Variants in MTUS1 observed in about 807,000 individuals in gnomAD.
The protein encoded by MTUS1 is microtubule associated scaffold protein 1, also known as microtubule-associated tumor suppressor 1.
In MTUS1, 109 loss-of-function variants were observed where a neutral mutation model predicts 120.8. The ratio of observed to expected loss-of-function variants is 0.90; its 90% CI spans 0.77 to 1.06. The LOEUF (loss-of-function observed/expected upper bound fraction) is 1.06, where lower values mean the gene tolerates loss of function less well. Among genes scored for constraint, MTUS1 ranks in the 50% least tolerant of loss-of-function variants. The pLI is 0.00. For missense variants in MTUS1, 2,210 were observed against 1,486.3 expected, an observed-to-expected ratio of 1.49 and a Z score of -8.01; for synonymous variants, 737 against 550.5, an observed-to-expected ratio of 1.34 and a Z score of -4.74.
chr8:17,670,098 A>G (rs1777337659), intron 8 of MTUS1, among the ~76,000 whole-genome samples: 1 of 152,212 alleles, frequency 6.6e-6, no homozygotes, highest in African/African-American at 2.4e-5. Context: ...GAACAGGAGT[A>G]TGATTTCAGT....
intron 3 of MTUS1, among the ~76,000 whole-genome samples, chr8:17,726,229 C>T (rs1000657637): frequency 6.6e-6 from 1 of 152,168 alleles, no homozygotes; most frequent in East Asian, 1.9e-4. Flanking sequence ...CACAAGATCC[C>T]CAGGTGATTA....
intron 8 of MTUS1, among the ~76,000 whole-genome samples, chr8:17,657,462 G>A (rs374846185): frequency 1.3e-5 from 2 of 150,214 alleles, no homozygotes; most frequent in African/African-American, 4.9e-5. Context: ...CAGCTACTTG[G>A]GAGGCTGAGG....
rs1808696276 is a variant in MTUS1 at position 17,657,693 on chromosome 8, G to A, written c.2906-1628C>T. Among the ~76,000 whole-genome samples the A allele has an allele frequency of 4.1e-5, 6 of 147,626 alleles. No individual in the cohort carries two copies. The South Asian group carries it at 1.3e-3, about 31-fold the overall frequency. On this transcript the variant is annotated intron_variant, in intron 8 of 14. Transcript: ENST00000693296. ...AAAAAAAAAATTATCCAGGCATGAT[G>A]GTGTGGGCCTGTAGTCCCTGCTACT... is the stretch of plus-strand genomic sequence containing the variant.
chr8:17,689,138 G>A (rs758370487), intron 6 of MTUS1, among the ~76,000 whole-genome samples: 25 of 152,088 alleles, frequency 1.6e-4, no homozygotes, highest in Non-Finnish European at 2.2e-4. Flanking sequence ...TTGAATCCGG[G>A]AGGTGGAAGT....
chr8:17,647,087 T>G lies in MTUS1; in HGVS notation c.3502-8A>C. On this transcript the variant is annotated splice_region_variant and splice_polypyrimidine_tract_variant and intron_variant, in intron 13 of 14. Transcript: ENST00000693296. Reference sequence around the variant, plus strand: ...TGCTGTGTTGTTGTCCACCTTGGCATAAACAAGAATTCCAACATTTATACA... The same window carrying G: ...TGCTGTGTTGTTGTCCACCTTGGCAGAAACAAGAATTCCAACATTTATACA... 1 of 1,608,816 alleles carries G rather than the reference T, an allele frequency of 6.2e-7. No homozygotes were observed. The highest frequency in any genetic ancestry group is 8.5e-7 in the Non-Finnish European group (1 of 1,176,642).
At chr8:17,766,422 T>C (rs1388234552) in intron 1 of MTUS1, among the ~76,000 whole-genome samples, 1 of 152,208 alleles carries the variant, frequency 6.6e-6, no homozygotes. Context: ...AACATGGCTA[T>C]CTTTTTTCAA....
At chr8:17,672,786 A>G (rs186527181) in intron 8 of MTUS1, among the ~76,000 whole-genome samples, 3 of 152,310 alleles carry the variant, frequency 2.0e-5, no homozygotes, top group Non-Finnish European at 4.4e-5. Context: ...GAAGCAGTGC[A>G]CCAGGACAGC....
Position 17,655,860 on chromosome 8 carries a change from G to C in MTUS1, c.3108+3C>G, listed in dbSNP as rs746035380. On this transcript the variant is annotated splice_donor_region_variant and intron_variant, in intron 9 of 14. Transcript: ENST00000693296. The stretch of plus-strand genomic sequence containing the variant: ...GACAAGCTCTGGCTGCAAAAGCACA[G>C]ACCTGCTCTTGCAATTGCATTTTGT... The C allele has an allele frequency of 1.9e-6, 3 of 1,613,920 alleles. No homozygotes were observed. The highest frequency in any genetic ancestry group is 1.1e-5 in the South Asian group (1 of 91,048).
intron 7 of MTUS1, among the ~76,000 whole-genome samples, chr8:17,677,837 A>G (rs556841938): frequency 6.6e-6 from 1 of 152,334 alleles, no homozygotes; most frequent in African/African-American, 2.4e-5. Flanking sequence ...CTCCAAATGC[A>G]TAGACCATTT....
intron 8 of MTUS1, among the ~76,000 whole-genome samples, chr8:17,670,602 T>C (rs1472246963): frequency 6.6e-6 from 1 of 152,132 alleles, no homozygotes; most frequent in Admixed American, 6.5e-5. Flanking sequence ...GACGGGCGGA[T>C]CACTTGAGGC....
At chr8:17,725,883 A>T (rs545832104) in intron 3 of MTUS1, among the ~76,000 whole-genome samples, 97 of 152,106 alleles carry the variant, frequency 6.4e-4, no homozygotes, top group Non-Finnish European at 1.0e-3. Context: ...AAGATTGCAC[A>T]CCCCAATCTA....
At chr8:17,713,484 A>C (rs539247340) in intron 5 of MTUS1, among the ~76,000 whole-genome samples, 2 of 152,182 alleles carry the variant, frequency 1.3e-5, no homozygotes, top group Non-Finnish European at 2.9e-5. Flanking sequence ...ACCACAAATT[A>C]AATAGGACCA....
intron 8 of MTUS1, among the ~76,000 whole-genome samples, chr8:17,656,511 G>T (rs573871282): frequency 5.3e-5 from 8 of 150,524 alleles, no homozygotes; most frequent in African/African-American, 2.0e-4. Context: ...CGGGGTGACA[G>T]ACTGAGACTC....
At chr8:17,794,395 TTTTTA>T (rs1380056239) in intron 1 of MTUS1, among the ~76,000 whole-genome samples, 1 of 152,210 alleles carries the variant, frequency 6.6e-6, no homozygotes, top group Non-Finnish European at 1.5e-5. Flanking sequence ...TTACTCATGC[TTTTTA>T]TTTATCATTT....
chr8:17,723,928 C>T (rs978702294), intron 3 of MTUS1, 95 bp from the exon 4 acceptor site: 1 of 985,604 alleles, frequency 1.0e-6, no homozygotes. Flanking sequence ...GCACTAACAA[C>T]AAAGTCAAAA....
At chr8:17,741,326 G>C (rs1180805114) in intron 3 of MTUS1, among the ~76,000 whole-genome samples, 2 of 152,166 alleles carry the variant, frequency 1.3e-5, no homozygotes, top group African/African-American at 2.4e-5. Context: ...TTAATGTAGA[G>C]GGACCCAAGT....
intron 3 of MTUS1, among the ~76,000 whole-genome samples, chr8:17,730,864 G>T (rs777314671): frequency 2.0e-5 from 3 of 152,088 alleles, no homozygotes; most frequent in African/African-American, 7.3e-5. Flanking sequence ...GATTTCAGGG[G>T]GGAAAACAAA....
chr8:17,758,141 G>A (rs533624373), intron 1 of MTUS1: 4 of 152,312 alleles, frequency 2.6e-5, no homozygotes, highest in African/African-American at 7.2e-5. Context: ...TCAACTTGCC[G>A]AATGAAGAGT....
chr8:17,690,846 T>C (rs1416531484), intron 6 of MTUS1, among the ~76,000 whole-genome samples: 6 of 152,266 alleles, frequency 3.9e-5, no homozygotes, highest in East Asian at 1.9e-4. Flanking sequence ...ACCCAAAGTA[T>C]TGCCTAAGAT....
Sources: gnomAD v4.1 joint callset for allele counts (sites outside exome capture counted in the v4.1 genomes callset) on GRCh38, gnomAD v4.1.1 for gene constraint, MANE v1.5 for transcripts, NCBI Gene and HGNC (gene_info 2026-07-23, HGNC 2026-07-21) for gene names.